The following TRHDE variants were observed in gnomAD, a reference collection of about 807,000 sequenced individuals.
The protein encoded by TRHDE is thyrotropin-releasing hormone-degrading ectoenzyme.
Under a neutral mutation model 125.7 loss-of-function variants are expected in TRHDE, and 72 were observed. That is an observed-to-expected ratio of 0.57 (90% CI 0.47 to 0.70). TRHDE has a LOEUF of 0.70. TRHDE is among the 30% of genes least tolerant of loss of function. TRHDE has a pLI of 0.00. For missense variants in TRHDE, 1,110 were observed against 1,327.1 expected, an observed-to-expected ratio of 0.84 and a Z score of 2.54; for synonymous variants, 509 against 509.1, an observed-to-expected ratio of 1.00 and a Z score of 0.00.
At chr12:72,447,265 T>A (rs1018888190) in intron 3 of TRHDE, among the ~76,000 whole-genome samples, 1 of 152,140 alleles carries the variant, frequency 6.6e-6, no homozygotes, top group African/African-American at 2.4e-5. Flanking sequence ...CCTGAATGGC[T>A]ACTGGGTACA....
intron 3 of TRHDE, among the ~76,000 whole-genome samples, chr12:72,381,643 G>T (rs1189167836): frequency 6.6e-6 from 1 of 152,004 alleles, no homozygotes; most frequent in Non-Finnish European, 1.5e-5. Context: ...TGATCCGCCC[G>T]CCTCGGCCTC....
chr12:72,417,328 A>T (rs1010359860), intron 3 of TRHDE, among the ~76,000 whole-genome samples: 1 of 151,988 alleles, frequency 6.6e-6, no homozygotes, highest in Non-Finnish European at 1.5e-5. Context: ...ATGTAATTGG[A>T]ATCGGTAGGA....
chr12:72,624,934 T>TA (rs67915101), intron 15 of TRHDE, among the ~76,000 whole-genome samples: 21,383 of 145,426 alleles, frequency 0.15, 2,037 homozygotes, highest in East Asian at 0.54. Flanking sequence ...TCTCAAAAAA[T>TA]AAAAAAAAAA....
At chr12:72,439,297 T>C (rs1279034625) in intron 3 of TRHDE, among the ~76,000 whole-genome samples, 1 of 151,834 alleles carries the variant, frequency 6.6e-6, no homozygotes, top group Non-Finnish European at 1.5e-5. Flanking sequence ...TTTTTGGTTC[T>C]ATAGAAAATT....
chr12:72,359,546 A>G (rs1396124734), intron 2 of TRHDE, among the ~76,000 whole-genome samples: 1 of 151,756 alleles, frequency 6.6e-6, no homozygotes, highest in Non-Finnish European at 1.5e-5. Flanking sequence ...TTCAAATCCC[A>G]TTTATGGTAA....
At chr12:72,598,947 T>C (rs992993751) in intron 12 of TRHDE, among the ~76,000 whole-genome samples, 2 of 152,108 alleles carry the variant, frequency 1.3e-5, no homozygotes, top group African/African-American at 4.8e-5. Flanking sequence ...TGAGTACCTA[T>C]TGTTTAGCTC....
chr12:72,188,936 G>A (rs1877283951), intron 2 of TRHDE, among the ~76,000 whole-genome samples: 1 of 152,184 alleles, frequency 6.6e-6, no homozygotes. Context: ...TGAGGGTCAG[G>A]AGAAAGGCCT....
At chr12:72,524,862 T>G (rs1406979702) in intron 6 of TRHDE, among the ~76,000 whole-genome samples, 1 of 152,178 alleles carries the variant, frequency 6.6e-6, no homozygotes, top group African/African-American at 2.4e-5. Flanking sequence ...AAGCAGCTTA[T>G]GTATCCTGGT....
chr12:72,316,929 A>G (rs1171801742), intron 2 of TRHDE, among the ~76,000 whole-genome samples: 1 of 152,196 alleles, frequency 6.6e-6, no homozygotes, highest in Non-Finnish European at 1.5e-5. Flanking sequence ...AGAAAGTAGA[A>G]TAGAGTAATT....
intron 3 of TRHDE, among the ~76,000 whole-genome samples, chr12:72,383,370 A>ATTTTTTTTTTTT (rs552559387): frequency 5.0e-5 from 5 of 100,946 alleles, no homozygotes; most frequent in East Asian, 2.6e-4. Flanking sequence ...AACCCATTTA[A>ATTTTTTTTTTTT]TTTTTTTTTT....
chr12:72,567,849 T>C (rs918678126), intron 9 of TRHDE, among the ~76,000 whole-genome samples: 1 of 152,078 alleles, frequency 6.6e-6, no homozygotes, highest in Non-Finnish European at 1.5e-5. Flanking sequence ...TTACTGCATG[T>C]ATAAGTATAG....
intron 2 of TRHDE, among the ~76,000 whole-genome samples, chr12:72,365,577 A>C (rs530983358): frequency 6.6e-6 from 1 of 152,214 alleles, no homozygotes; most frequent in South Asian, 2.1e-4. Context: ...CTTGGTAATA[A>C]TATAGGTGAG....
intron 3 of TRHDE, among the ~76,000 whole-genome samples, chr12:72,408,543 G>A (rs193269857): frequency 1.3e-5 from 2 of 151,828 alleles, no homozygotes; most frequent in East Asian, 3.9e-4. Context: ...AATAAACAAG[G>A]GCACTAAAAT....
chr12:72,556,523 G>T lies in TRHDE; in HGVS notation c.1789-5642G>T, dbSNP rs966879814. Among the ~76,000 whole-genome samples the T allele has an allele frequency of 3.3e-5, 5 of 152,204 alleles. No homozygotes were observed. The East Asian group carries it at 9.6e-4, about 29-fold the overall frequency. ...ACCATGACAGGCACTACTCTTTTAG[G>T]ATTCATAGTCCTAGGACGAAGCATC... On this transcript the variant is annotated intron_variant, in intron 7 of 18. Transcript: ENST00000261180.
At chr12:72,443,192 CTGTGTGTG>C (rs58277850) in intron 3 of TRHDE, among the ~76,000 whole-genome samples, 19,462 of 144,428 alleles carry the variant, frequency 0.13, 1,637 homozygotes, top group African/African-American at 0.23. Flanking sequence ...TACTTCTTTC[CTGTGTGTG>C]TGTGTGTGTG....
At chr12:72,425,442 T>A (rs1477312919) in intron 3 of TRHDE, among the ~76,000 whole-genome samples, 2 of 152,110 alleles carry the variant, frequency 1.3e-5, no homozygotes, top group Non-Finnish European at 2.9e-5. Context: ...GTTAACCAGA[T>A]CATCTGTGTG....
At position 72,572,023 on chromosome 12, in the gene TRHDE, T is replaced by A. The variant is rs1357674527; in HGVS notation, c.2132-3232T>A. On this transcript the variant is annotated intron_variant, in intron 10 of 18. Coordinates refer to ENST00000261180, the MANE Select transcript of TRHDE (RefSeq NM_013381.3). The stretch of plus-strand genomic sequence containing the variant: ...CACACACACACACACACACACGATT[T>A]ATTGCTATGGTAGATTGCTTTACGG... Among the ~76,000 whole-genome samples, 3 of 76,414 alleles carry A rather than the reference T, an allele frequency of 3.9e-5. No individual in the cohort carries two copies. In the East Asian group the frequency reaches 1.3e-3, roughly 33 times the overall value. The allele number at this position is 76,414 out of a possible 152,430, so 50.1% of individuals were successfully genotyped here.
chr12:72,408,210 G>T (rs1211144234), intron 3 of TRHDE, among the ~76,000 whole-genome samples: 2 of 152,038 alleles, frequency 1.3e-5, no homozygotes, highest in Non-Finnish European at 2.9e-5. Flanking sequence ...TATTGATGAG[G>T]GCAACATACT....
intron 2 of TRHDE, among the ~76,000 whole-genome samples, chr12:72,222,741 C>T (rs539077729): frequency 2.0e-5 from 3 of 152,144 alleles, no homozygotes; most frequent in Middle Eastern, 6.8e-3. Context: ...GTTCCAGACC[C>T]CTATCTGCAT....
Sources: gnomAD v4.1 joint callset for allele counts (sites outside exome capture counted in the v4.1 genomes callset) on GRCh38, gnomAD v4.1.1 for gene constraint, MANE v1.5 for transcripts, NCBI Gene and HGNC (gene_info 2026-07-23, HGNC 2026-07-21) for gene names.